The following ZNF512B variants were observed in gnomAD, a reference collection of about 807,000 sequenced individuals.
ZNF512B encodes the protein zinc finger protein 512B.
ZNF512B carries 22 observed loss-of-function variants against 87.8 expected under a neutral mutation model. The observed-to-expected ratio is 0.25, with a 90% CI of 0.18 to 0.36. The LOEUF (loss-of-function observed/expected upper bound fraction) is 0.36. Among genes scored for constraint, ZNF512B ranks in the 10% least tolerant of loss-of-function variants. The pLI is 1.00. For synonymous variants in ZNF512B, 524 were observed against 490.9 expected (o/e 1.07, Z -0.89); for missense variants, 1,060 against 1,231.6 (o/e 0.86, Z 2.09).
chr20:63,961,209 G>T lies in ZNF512B; in HGVS notation c.2427+100C>A. ...GGCCACTCTCCCAGGCACACCCCAT[G>T]CAGGCCACTGACCTCTCTACCCCCA... On this transcript the variant is annotated intron_variant, in intron 16 of 16. Coordinates refer to ENST00000369888, the MANE Select transcript of ZNF512B (RefSeq NM_020713.3). This position sits in a 1 kb window ranked among gnomAD's most constrained non-coding sequence, Gnocchi z 6.4. 9.5e-7 allele frequency: 1 copy of T among 1,054,684 alleles called. No homozygotes were observed. The highest frequency in any genetic ancestry group is 1.4e-6 in the Non-Finnish European group (1 of 698,814). 65.3% of individuals were successfully genotyped at this position (1,054,684 alleles called of 1,614,324 possible). A position where few individuals can be genotyped will look rare whatever the true frequency, so the allele number is the denominator to read the frequency against.
At position 63,963,272 on chromosome 20, in the gene ZNF512B, G is replaced by A. The variant is rs764420267; in HGVS notation, c.1798-7C>T. ...AGAAGGCAGCCCCGCAACCCTGGGG[G>A]TCAGGCCAGAGGGTGGGTGAGTGGC... On this transcript the variant is annotated splice_polypyrimidine_tract_variant and splice_region_variant and intron_variant, in intron 11 of 16. Coordinates refer to ENST00000369888, the MANE Select transcript of ZNF512B (RefSeq NM_020713.3). 9 of 1,543,232 alleles carry A rather than the reference G, an allele frequency of 5.8e-6. No individual in the cohort carries two copies. The highest frequency in any genetic ancestry group is 3.4e-4 in the Middle Eastern group (2 of 5,936).
intron 1 of ZNF512B, among the ~76,000 whole-genome samples, chr20:63,968,659 G>A (rs983686466): frequency 2.0e-5 from 3 of 152,186 alleles, no homozygotes; most frequent in Non-Finnish European, 2.9e-5. Flanking sequence ...GATGCTCTTC[G>A]CAGACTTGTC....
At chr20:63,969,672 G>C (rs1381810160) in intron 1 of ZNF512B, 142 bp downstream of exon 1, 1 of 146,560 alleles carries the variant, frequency 6.8e-6, no homozygotes, top group Non-Finnish European at 1.5e-5. Context: ...CCGGCGCGGG[G>C]CGCGGGGGCT....
rs931946502 is a variant in ZNF512B at position 63,966,579 on chromosome 20, G to A, written c.596C>T (p.Thr199Ile). ...SKPIGVSKPV[T>I]IGKPVGVSKP... The stretch of plus-strand genomic sequence containing the variant: ...GCTGACACCCACAGGTTTGCCAATA[G>A]TGACAGGTTTGCTCACTCCGATGGG... Residue 199 changes from threonine (T) to isoleucine (I), a missense_variant, in exon 5 of 17, where the codon ACT becomes ATT. Coordinates refer to ENST00000369888, the MANE Select transcript of ZNF512B (RefSeq NM_020713.3). 8 of 1,613,840 alleles carry A rather than the reference G, an allele frequency of 5.0e-6. No individual in the cohort carries two copies. The highest frequency in any genetic ancestry group is 2.7e-5 in the African/African-American group (2 of 74,916).
intron 14 of ZNF512B, 28 bp downstream of exon 14, chr20:63,962,245 C>T (rs148758675): frequency 2.3e-5 from 36 of 1,579,752 alleles, no homozygotes; most frequent in East Asian, 4.5e-5. Flanking sequence ...TGGCTCCCCA[C>T]GCCCCCCACC....
rs1455263099 is a variant in ZNF512B at position 63,958,953 on chromosome 20, A to G, written c.*935T>C. 6.5e-6 allele frequency: 1 copy of G among 152,750 alleles called. No homozygotes were observed. The highest frequency in any genetic ancestry group is 1.5e-5 in the Non-Finnish European group (1 of 68,490). 9.5% of individuals were successfully genotyped at this position (152,750 alleles called of 1,614,324 possible). ...ACTCAGAGCCAGGCCAGCTCTGCCC[A>G]GCTTCCTGCCCCACATGCCTATGGG... On this transcript the variant is annotated 3_prime_UTR_variant, in exon 17 of 17. Coordinates refer to ENST00000369888, the MANE Select transcript of ZNF512B (RefSeq NM_020713.3).
chr20:63,966,812 G>A (rs544597095), intron 4 of ZNF512B, 31 bp from the exon 5 acceptor site: 1 of 1,605,974 alleles, frequency 6.2e-7, no homozygotes, highest in East Asian at 2.2e-5. Flanking sequence ...TTGGGACAGG[G>A]CCCCAAGGGC....
In ZNF512B at chr20:63,958,108, G is replaced by A. The variant is rs1440056391; in HGVS notation, c.*1780C>T. On this transcript the variant is annotated 3_prime_UTR_variant, in exon 17 of 17. Coordinates refer to ENST00000369888, the MANE Select transcript of ZNF512B (RefSeq NM_020713.3). ...TGGAGCCTTCTGGCCCAAGGATGAA[G>A]CCAGAGACAGGAAGTGTTCTGCAAC... The A allele has an allele frequency of 6.6e-6, 1 of 152,200 alleles. No individual in the cohort carries two copies. The highest frequency in any genetic ancestry group is 6.5e-5 in the Admixed American group (1 of 15,282). 9.4% of individuals were successfully genotyped at this position (152,200 alleles called of 1,614,324 possible).
intron 1 of ZNF512B, chr20:63,969,011 G>T: frequency 1.6e-6 from 1 of 643,064 alleles, no homozygotes; most frequent in Non-Finnish European, 1.9e-6. Flanking sequence ...CGAGGGGATG[G>T]GAAGGGGCTG....
chr20:63,961,402 G>C lies in ZNF512B; in HGVS notation c.2334C>G (p.Ala778=), dbSNP rs762377567. Residue 778 remains alanine, a synonymous_variant, in exon 16 of 17, where the codon GCC becomes GCG. Coordinates refer to ENST00000369888, the MANE Select transcript of ZNF512B (RefSeq NM_020713.3). This position sits in a 1 kb window ranked among gnomAD's most constrained non-coding sequence, Gnocchi z 6.4. ...GACAGCGGTACTTCCCTGCCAGGTGGGCCCCCTGCAATGCATAGGCAGGCC... is the reference window on the plus strand; with the variant it reads ...GACAGCGGTACTTCCCTGCCAGGTGCGCCCCCTGCAATGCATAGGCAGGCC... ...KAHLASCSKG[A]HLAGKYRCLL... 1.2e-6 allele frequency: 2 copies of C among 1,611,496 alleles called. No homozygotes were observed. Among genetic ancestry groups the C allele is most frequent in the African/African-American group, 2.7e-5 (2 of 74,920 alleles).
chr20:63,962,407 G>A (rs1308824395), intron 13 of ZNF512B, 33 bp from the exon 14 acceptor site: 1 of 1,592,708 alleles, frequency 6.3e-7, no homozygotes, highest in South Asian at 1.1e-5. Context: ...GTGAGCCTGA[G>A]GCCAGAAGAC....
chr20:63,967,981 C>A (rs373131746), intron 1 of ZNF512B, 29 bp from the exon 2 acceptor site: 8 of 1,584,542 alleles, frequency 5.0e-6, no homozygotes, highest in South Asian at 1.1e-5. Context: ...ATCTGTGAAG[C>A]CTGACGGGCC....
chr20:63,961,863 T>C lies in ZNF512B; in HGVS notation c.2328+79A>G, dbSNP rs912058907. ...GGGACAAGGCAGGGTCCCTCACTAC[T>C]GTGTGGGAAGCCCGCGTGGGGTGAG... On this transcript the variant is annotated intron_variant, in intron 15 of 16. Transcript: ENST00000369888. This position sits in a 1 kb window ranked among gnomAD's most constrained non-coding sequence, Gnocchi z 6.4. The C allele has an allele frequency of 4.2e-6, 6 of 1,412,420 alleles. No homozygotes were observed. Among genetic ancestry groups the C allele is most frequent in the Non-Finnish European group, 5.9e-6 (6 of 1,022,414 alleles). The allele number at this position is 1,412,420 out of a possible 1,614,324, so 87.5% of individuals were successfully genotyped here.
Position 63,962,322 on chromosome 20 carries a change from G to C in ZNF512B, c.2216C>G (p.Ala739Gly). The part of the protein sequence containing the change: ...LPTLNPQLLE[A>G]WKNEVKEKGH... ...TTTCTCCTTCACTTCATTCTTCCAT[G>C]CCTCTAGCAGCTGGGGGTTCAGCGT... The change falls in exon 14 of 17, where the codon GCA becomes GGA. Residue 739 changes from alanine to glycine, a missense_variant. By Grantham distance (60) the Ala-to-Gly change is moderately conservative (BLOSUM62 0). Transcript: ENST00000369888. The C allele has an allele frequency of 6.2e-7, 1 of 1,612,896 alleles. No homozygotes were observed. Among genetic ancestry groups the C allele is most frequent in the Non-Finnish European group, 8.5e-7 (1 of 1,179,940 alleles).
intron 5 of ZNF512B, among the ~76,000 whole-genome samples, chr20:63,965,917 C>T (rs1468439234): frequency 2.5e-5 from 1 of 40,244 alleles, no homozygotes; most frequent in Admixed American, 2.1e-4. Context: ...GCCCCCATAC[C>T]TTTTCTTACC....
chr20:63,962,141 G>A, intron 14 of ZNF512B, 132 bp downstream of exon 14: 1 of 1,278,450 alleles, frequency 7.8e-7, no homozygotes, highest in Non-Finnish European at 1.1e-6. Flanking sequence ...TGGGCAGGCT[G>A]GGCATGTGAG....
intron 14 of ZNF512B, 110 bp from the exon 15 acceptor site, chr20:63,962,114 G>A: frequency 1.5e-6 from 2 of 1,368,828 alleles, no homozygotes; most frequent in Non-Finnish European, 1.0e-6. Context: ...AAGTGAGGGG[G>A]TGTGAGTCCT....
chr20:63,961,293 G>T lies in ZNF512B; in HGVS notation c.2427+16C>A. ...GGCTAGCCCCCAGCCACAGGCCCTG[G>T]TGATGGCCCTCGCACCTCTGCGTGG... On this transcript the variant is annotated intron_variant, in intron 16 of 16. Coordinates refer to ENST00000369888, the MANE Select transcript of ZNF512B (RefSeq NM_020713.3). This position sits in a 1 kb window ranked among gnomAD's most constrained non-coding sequence, Gnocchi z 6.4. The T allele has an allele frequency of 6.2e-7, 1 of 1,610,472 alleles. No homozygotes were observed.
At position 63,963,111 on chromosome 20, in the gene ZNF512B, G is replaced by A. The variant is rs997424049; in HGVS notation, c.1952C>T (p.Ser651Leu). 7.7e-6 allele frequency: 12 copies of A among 1,559,134 alleles called. No individual in the cohort carries two copies. The highest frequency in any genetic ancestry group is 2.7e-5 in the African/African-American group (2 of 73,972). ...SKAGHDYHVR[S>L]EHTAPPPEEP... Reference sequence around the variant, plus strand: ...GCCACTCACGGGGGCCGTGTGCTCCGAGCGCACGTGGTAGTCGTGGCCAGC... The same window carrying A: ...GCCACTCACGGGGGCCGTGTGCTCCAAGCGCACGTGGTAGTCGTGGCCAGC... Residue 651 changes from serine to leucine, a missense_variant, in exon 12 of 17, where the codon TCG becomes TTG. By Grantham distance (145) the Ser-to-Leu change is moderately radical. Transcript: ENST00000369888.
Sources: allele counts gnomAD v4.1 joint callset (sites outside exome capture counted in the v4.1 genomes callset), GRCh38; gene constraint gnomAD v4.1.1; non-coding constraint Gnocchi (gnomAD v3.1); transcripts MANE v1.5; gene names NCBI Gene and HGNC (gene_info 2026-07-23, HGNC 2026-07-21).